EVL: variants seen among roughly 807,000 people sequenced by gnomAD.
EVL encodes Enah/Vasp-like, also known as ena/VASP-like protein.
A neutral mutation model predicts 59.6 loss-of-function variants in EVL; 21 were observed. That is an observed-to-expected ratio of 0.35 (90% CI 0.25 to 0.51). The LOEUF (loss-of-function observed/expected upper bound fraction) is 0.51. Ranked by LOEUF, EVL falls within the 20% of genes least tolerant of loss-of-function variation. The pLI is 0.97. For synonymous variants in EVL, 198 were observed against 203.5 expected (o/e 0.97, Z 0.23); for missense variants, 462 against 546.6 (o/e 0.85, Z 1.54).
intron 1 of EVL, among the ~76,000 whole-genome samples, chr14:99,998,513 T>C (rs768822052): frequency 5.9e-5 from 9 of 152,126 alleles, no homozygotes; most frequent in African/African-American, 1.9e-4. Flanking sequence ...CACACACACA[T>C]ATATATACAT....
rs2140384106 is a variant in EVL, at chr14:100,130,175, GGA to G, written c.839+499_839+500del. ...CCCAGAGGGCATTGCCCTGAGCGAC[GGA>G]GAGAGAGTAGTTCCATCTACATCCC... On this transcript the variant is annotated intron_variant, in intron 7 of 13. Transcript: ENST00000392920. This position sits in a 1 kb window ranked among gnomAD's most constrained non-coding sequence, Gnocchi z 4.8. Among the ~76,000 whole-genome samples, 1 of 152,294 alleles carries G rather than the reference GGA, an allele frequency of 6.6e-6. No individual in the cohort carries two copies. The highest frequency in any genetic ancestry group is 1.9e-4 in the East Asian group (1 of 5,178).
chr14:100,104,990 G>A (rs537994817), intron 3 of EVL, among the ~76,000 whole-genome samples: 107 of 147,894 alleles, frequency 7.2e-4, no homozygotes, highest in Non-Finnish European at 1.4e-3. Flanking sequence ...CCTCACAGAG[G>A]GCTTTGTAGA....
chr14:100,131,933 C>T (rs1286693530), intron 7 of EVL, among the ~76,000 whole-genome samples: 9 of 152,066 alleles, frequency 5.9e-5, no homozygotes, highest in Non-Finnish European at 2.9e-5. Flanking sequence ...CAGGTAGGCC[C>T]ATCACAGACA....
chr14:100,068,696 G>T (rs2061988353), intron 1 of EVL, among the ~76,000 whole-genome samples: 1 of 152,170 alleles, frequency 6.6e-6, no homozygotes, highest in Admixed American at 6.5e-5. Flanking sequence ...ACATGGGCGT[G>T]GGGGAAACAT....
intron 1 of EVL, among the ~76,000 whole-genome samples, chr14:100,079,695 GT>G (rs1236695908): frequency 6.6e-6 from 1 of 152,104 alleles, no homozygotes; most frequent in Non-Finnish European, 1.5e-5. Context: ...TTTACACTCT[GT>G]CCTTCAAGGA....
chr14:100,055,332 T>C (rs925159494), intron 1 of EVL, among the ~76,000 whole-genome samples: 2 of 152,220 alleles, frequency 1.3e-5, no homozygotes, highest in African/African-American at 4.8e-5. Context: ...AAGTTCTGTC[T>C]ATTGTACCAT....
chr14:99,988,125 A>G (rs900240359), intron 1 of EVL, among the ~76,000 whole-genome samples: 2 of 151,986 alleles, frequency 1.3e-5, no homozygotes, highest in African/African-American at 2.4e-5. Context: ...CATGTTGGTC[A>G]GGCTAGTCCC....
upstream of EVL, among the ~76,000 whole-genome samples, chr14:100,063,326 G>A (rs1261796431): frequency 6.6e-6 from 1 of 152,150 alleles, no homozygotes; most frequent in Non-Finnish European, 1.5e-5. Flanking sequence ...GTGGACAGAG[G>A]GGCTATGAGA....
intron 3 of EVL, among the ~76,000 whole-genome samples, chr14:100,111,353 C>T (rs1886980651): frequency 6.6e-6 from 1 of 151,946 alleles, no homozygotes; most frequent in South Asian, 2.1e-4. Flanking sequence ...GACAGGGTTT[C>T]ACCATGTTGG....
At chr14:100,142,704 CCT>C (rs1889263264) in intron 13 of EVL, among the ~76,000 whole-genome samples, 2 of 151,878 alleles carry the variant, frequency 1.3e-5, no homozygotes, top group Admixed American at 1.3e-4. Flanking sequence ...GCACTCAGTT[CCT>C]GTTTGTCCAG....
At chr14:100,014,545 A>G (rs773209307) in intron 1 of EVL, among the ~76,000 whole-genome samples, 4 of 152,212 alleles carry the variant, frequency 2.6e-5, no homozygotes, top group Admixed American at 6.5e-5. Context: ...ATGGGTACTT[A>G]GGTTGCTTCC....
chr14:100,019,359 G>C (rs952938936), intron 1 of EVL: 1 of 336,702 alleles, frequency 3.0e-6, no homozygotes, highest in African/African-American at 2.1e-5. Flanking sequence ...CCCTGGGTTC[G>C]ACTTCTTTCT....
chr14:99,971,522 A>G (rs1204280707), exon 1 of EVL: 1 of 151,418 alleles, frequency 6.6e-6, no homozygotes, highest in African/African-American at 2.4e-5. Context: ...CCGCGGGCGG[A>G]GGGGCGCACG....
intron 1 of EVL, among the ~76,000 whole-genome samples, chr14:100,030,857 C>A (rs1164187143): frequency 2.6e-5 from 4 of 152,252 alleles, no homozygotes; most frequent in Non-Finnish European, 5.9e-5. Flanking sequence ...ACTCAGGCCA[C>A]AGCCCATTGC....
At chr14:100,139,426 T>A (rs1889019877) in intron 11 of EVL, 1 of 152,296 alleles carries the variant, frequency 6.6e-6, no homozygotes, top group Non-Finnish European at 1.5e-5. Flanking sequence ...CTGTCAGGGC[T>A]GAGATGGAGA....
chr14:100,026,892 C>T (rs538144678), intron 1 of EVL, among the ~76,000 whole-genome samples: 1 of 152,138 alleles, frequency 6.6e-6, no homozygotes, highest in Admixed American at 6.5e-5. Flanking sequence ...TCCCCGGGGC[C>T]TGTTGGAATC....
At position 100,086,454 on chromosome 14, in the gene EVL, T is replaced by C. The variant is rs111920755; in HGVS notation, c.180+1599T>C. 4.6e-5 allele frequency among the ~76,000 whole-genome samples: 7 copies of C among 152,344 alleles called. 1 individual carries two copies. The highest frequency in any genetic ancestry group is 1.4e-4 in the African/African-American group (6 of 41,584). On this transcript the variant is annotated intron_variant, in intron 2 of 13. Coordinates refer to ENST00000392920, the MANE Select transcript of EVL (RefSeq NM_016337.3). ...ACCTTGTGCAGTTCCTGAATCATAG[T>C]AGGTGTTCCATAAGTGATTGCTTTT...
At chr14:99,990,320 T>G (rs190006062) in intron 1 of EVL, among the ~76,000 whole-genome samples, 2 of 152,188 alleles carry the variant, frequency 1.3e-5, no homozygotes, top group Non-Finnish European at 2.9e-5. Context: ...TTATTTCCAG[T>G]GTTCGCTCTT....
intron 1 of EVL, among the ~76,000 whole-genome samples, chr14:100,041,786 ATTTTTT>A (rs2061471383): frequency 6.6e-6 from 1 of 152,176 alleles, no homozygotes; most frequent in Non-Finnish European, 1.5e-5. Context: ...TTTTCCAGGT[ATTTTTT>A]GGTGAACTGT....
Sources: allele counts gnomAD v4.1 joint callset (sites outside exome capture counted in the v4.1 genomes callset), GRCh38; gene constraint gnomAD v4.1.1; non-coding constraint Gnocchi (gnomAD v3.1); transcripts MANE v1.5; gene names NCBI Gene and HGNC (gene_info 2026-07-23, HGNC 2026-07-21).